The following NCKAP5 variants were observed in gnomAD, a reference collection of about 807,000 sequenced individuals.
The protein encoded by NCKAP5 is NCK associated protein 5.
In NCKAP5, 92 loss-of-function variants were observed where a neutral mutation model predicts 167.0. The observed-to-expected ratio is 0.55, with a 90% CI of 0.47 to 0.66. The LOEUF (loss-of-function observed/expected upper bound fraction) is 0.66. Ranked by LOEUF, NCKAP5 falls within the 30% of genes least tolerant of loss-of-function variation. The probability of loss-of-function intolerance (pLI) is 0.00; values close to 1 mark genes in which losing one functional copy is unlikely to be tolerated. For missense variants in NCKAP5, 2,378 were observed against 2,315.0 expected (o/e 1.03, Z -0.56); for synonymous variants, 891 against 877.4 (o/e 1.02, Z -0.27).
intron 5 of NCKAP5, among the ~76,000 whole-genome samples, chr2:133,181,671 G>C (rs2084744976): frequency 6.6e-6 from 1 of 150,406 alleles, no homozygotes; most frequent in Non-Finnish European, 1.5e-5. Context: ...CCAGCTACTT[G>C]GGAGGCTGAG....
At chr2:133,423,287 G>A (rs776052049) in intron 3 of NCKAP5, among the ~76,000 whole-genome samples, 18 of 152,132 alleles carry the variant, frequency 1.2e-4, no homozygotes, top group Non-Finnish European at 2.5e-4. Context: ...GCTCAAGACC[G>A]TTTTGAGCCA....
At chr2:132,794,255 TATATATATAGAGAGAGAGAGAGAG>T (rs1335055563) in intron 12 of NCKAP5, among the ~76,000 whole-genome samples, 2 of 49,022 alleles carry the variant, frequency 4.1e-5, no homozygotes, top group East Asian at 5.3e-4. Context: ...TATATATATA[TATATATATAGAGAGAGAGAGAGAG>T]AGAGAGAGAG....
At chr2:133,441,637 A>G (rs983398888) in intron 3 of NCKAP5, among the ~76,000 whole-genome samples, 1 of 152,242 alleles carries the variant, frequency 6.6e-6, no homozygotes, top group Non-Finnish European at 1.5e-5. Flanking sequence ...CAACAAAATG[A>G]AAAATAAACT....
At chr2:133,637,500 A>AAAAAAAAAAAAAAAAAAAAAAAT in the NCKAP5 span, among the ~76,000 whole-genome samples, 1 of 142,042 alleles carries the variant, frequency 7.0e-6, no homozygotes, top group African/African-American at 2.7e-5. Context: ...AAAAAAAAAA[A>AAAAAAAAAAAAAAAAAAAAAAAT]CCCAAGAAAA....
chr2:133,491,974 C>A (rs1485788425), intron 3 of NCKAP5, among the ~76,000 whole-genome samples: 1 of 152,050 alleles, frequency 6.6e-6, no homozygotes, highest in Non-Finnish European at 1.5e-5. Flanking sequence ...GTAAACAGGG[C>A]TTTTTCCATT....
chr2:133,424,129 T>C (rs1178699885), intron 3 of NCKAP5, among the ~76,000 whole-genome samples: 1 of 152,150 alleles, frequency 6.6e-6, no homozygotes. Context: ...GAAACTAAAG[T>C]GATGGATTGT....
chr2:133,646,438 T>G, the NCKAP5 span, among the ~76,000 whole-genome samples: 27 of 152,058 alleles, frequency 1.8e-4, no homozygotes, highest in Non-Finnish European at 5.9e-5. Context: ...GGGTGGTATA[T>G]TCAAAGTACT....
chr2:132,837,762 G>T (rs759900773), intron 11 of NCKAP5, among the ~76,000 whole-genome samples: 1 of 152,212 alleles, frequency 6.6e-6, no homozygotes, highest in Non-Finnish European at 1.5e-5. Flanking sequence ...AGGCCTCCGT[G>T]CATGGACAGG....
intron 3 of NCKAP5, among the ~76,000 whole-genome samples, chr2:133,470,172 T>G (rs979376555): frequency 3.9e-5 from 6 of 152,250 alleles, no homozygotes; most frequent in African/African-American, 1.4e-4. Context: ...ATGATGGTGA[T>G]GTACAGATGG....
intron 8 of NCKAP5, among the ~76,000 whole-genome samples, chr2:132,900,473 C>G (rs1308546187): frequency 6.6e-6 from 1 of 152,166 alleles, no homozygotes; most frequent in East Asian, 1.9e-4. Context: ...CACACACAAA[C>G]ACACACATAC....
At chr2:133,102,107 G>A (rs1560886) in intron 6 of NCKAP5, among the ~76,000 whole-genome samples, 52,131 of 151,986 alleles carry the variant, frequency 0.34, 10,137 homozygotes, top group East Asian at 0.58. Context: ...AGAATGAATT[G>A]TAATACACTG....
intron 3 of NCKAP5, among the ~76,000 whole-genome samples, chr2:133,408,857 C>G (rs1183490856): frequency 1.3e-5 from 2 of 152,118 alleles, no homozygotes; most frequent in Non-Finnish European, 2.9e-5. Context: ...GGAGTCTGGG[C>G]ACTGGGACAA....
chr2:132,750,889 G>C (rs1245442568), intron 16 of NCKAP5, among the ~76,000 whole-genome samples: 1 of 152,162 alleles, frequency 6.6e-6, no homozygotes, highest in African/African-American at 2.4e-5. Context: ...CAAATGAGGA[G>C]GATGAGGCAG....
chr2:132,773,253 G>C (rs1682246645), intron 16 of NCKAP5, among the ~76,000 whole-genome samples: 1 of 152,198 alleles, frequency 6.6e-6, no homozygotes, highest in Non-Finnish European at 1.5e-5. Context: ...CTGCTGTAAA[G>C]AGGTCAGCAA....
At chr2:132,728,657 G>A (rs1397194650) in intron 18 of NCKAP5, among the ~76,000 whole-genome samples, 159 bp downstream of exon 18, 1 of 152,114 alleles carries the variant, frequency 6.6e-6, no homozygotes, top group African/African-American at 2.4e-5. Context: ...CCTTAATAAG[G>A]CAGGGGAAAG....
intron 2 of NCKAP5, among the ~76,000 whole-genome samples, chr2:133,547,431 A>C (rs200362799): frequency 0.12 from 17,556 of 151,622 alleles, 1,158 homozygotes; most frequent in Non-Finnish European, 0.17. Flanking sequence ...GGCAGGGCAC[A>C]GACAAACAAA....
intron 19 of NCKAP5, among the ~76,000 whole-genome samples, chr2:132,682,687 C>T (rs994237065): frequency 6.6e-6 from 1 of 152,106 alleles, no homozygotes; most frequent in Non-Finnish European, 1.5e-5. Context: ...GATGTGCCCA[C>T]CCCAAAGGTA....
intron 16 of NCKAP5, among the ~76,000 whole-genome samples, chr2:132,769,673 T>A (rs1257765238): frequency 1.3e-5 from 2 of 152,172 alleles, no homozygotes; most frequent in African/African-American, 2.4e-5. Context: ...AGTCCTCTTT[T>A]CCCAGCTACT....
intron 2 of NCKAP5, among the ~76,000 whole-genome samples, chr2:133,546,013 G>A (rs774333834): frequency 6.6e-6 from 1 of 152,100 alleles, no homozygotes. Context: ...ATAATAGTCT[G>A]GTTTTGTCTA....
Sources: allele counts gnomAD v4.1 joint callset (sites outside exome capture counted in the v4.1 genomes callset), GRCh38; gene constraint gnomAD v4.1.1; transcripts MANE v1.5; gene names NCBI Gene and HGNC (gene_info 2026-07-23, HGNC 2026-07-21).